Variants in DCLK1 observed in about 807,000 individuals in gnomAD.
DCLK1 encodes the protein doublecortin like kinase 1.
A neutral mutation model predicts 86.2 loss-of-function variants in DCLK1; 16 were observed. The ratio of observed to expected loss-of-function variants is 0.19; its 90% confidence interval spans 0.13 to 0.28. DCLK1 has a LOEUF of 0.28. Among genes scored for constraint, DCLK1 ranks in the 10% least tolerant of loss-of-function variants. The pLI, the probability that DCLK1 is intolerant of heterozygous loss-of-function variation, is 1.00. For synonymous variants in DCLK1, 369 were observed against 370.5 expected (o/e 1.00, Z 0.05); for missense variants, 590 against 940.2 (o/e 0.63, Z 4.87).
chr13:36,127,518 T>C (rs1886228717), intron 1 of DCLK1, among the ~76,000 whole-genome samples: 1 of 152,190 alleles, frequency 6.6e-6, no homozygotes, highest in South Asian at 2.1e-4. Flanking sequence ...AACCACAAAA[T>C]GGGAATGAGA....
intron 3 of DCLK1, among the ~76,000 whole-genome samples, chr13:36,030,333 G>T (rs1176230645): frequency 1.3e-5 from 2 of 151,958 alleles, no homozygotes; most frequent in East Asian, 3.9e-4. Context: ...TTTTGCTCTT[G>T]TTGCCCAGGC....
intron 3 of DCLK1, among the ~76,000 whole-genome samples, chr13:36,063,013 T>C (rs1400656858): frequency 6.6e-6 from 1 of 152,210 alleles, no homozygotes; most frequent in Non-Finnish European, 1.5e-5. Context: ...CTTTGGTTGC[T>C]TGCATGTAAC....
rs540614553 is a variant in DCLK1, at chr13:35,849,407, A to G, written c.1035+5092T>C. 4 of 985,376 alleles carry G rather than the reference A, an allele frequency of 4.1e-6. No individual in the cohort carries two copies. In the Admixed American group the frequency reaches 1.8e-4, roughly 45 times the overall value. 61.0% of individuals were successfully genotyped at this position (985,376 alleles called of 1,614,324 possible). A position where few individuals can be genotyped will look rare whatever the true frequency, so the allele number is the denominator to read the frequency against. ...CTCCAAATGGCATCAAACATTTTTAATTTATCACCTACTGAGATATGTCAA... is the reference window on the plus strand; with the variant it reads ...CTCCAAATGGCATCAAACATTTTTAGTTTATCACCTACTGAGATATGTCAA... On this transcript the variant is annotated intron_variant, in intron 6 of 16. Coordinates refer to ENST00000360631, the MANE Select transcript of DCLK1 (RefSeq NM_001330071.2).
At chr13:35,950,359 G>T (rs1326150976) in intron 3 of DCLK1, among the ~76,000 whole-genome samples, 8 of 152,194 alleles carry the variant, frequency 5.3e-5, no homozygotes, top group African/African-American at 1.2e-4. Flanking sequence ...AACAGAGGGA[G>T]ATTTATAACC....
At chr13:35,779,158 T>C (rs1305602328) in intron 16 of DCLK1, among the ~76,000 whole-genome samples, 1 of 152,124 alleles carries the variant, frequency 6.6e-6, no homozygotes, top group African/African-American at 2.4e-5. Flanking sequence ...GTATTTTCAG[T>C]ATAGACAGGG....
intron 3 of DCLK1, among the ~76,000 whole-genome samples, chr13:35,977,565 G>C (rs372011726): frequency 2.6e-5 from 4 of 151,990 alleles, no homozygotes; most frequent in African/African-American, 7.3e-5. Context: ...CTGGTCATCA[G>C]GTGTATTCTG....
At chr13:35,780,603 G>C (rs1184201667) in intron 16 of DCLK1, among the ~76,000 whole-genome samples, 1 of 152,150 alleles carries the variant, frequency 6.6e-6, no homozygotes, top group East Asian at 1.9e-4. Flanking sequence ...TGATGGCTTG[G>C]GGGAAGCTGG....
chr13:36,011,581 G>A (rs1458085946), intron 3 of DCLK1, among the ~76,000 whole-genome samples: 2 of 149,958 alleles, frequency 1.3e-5, no homozygotes, highest in Non-Finnish European at 3.0e-5. Flanking sequence ...ATTGCACTGT[G>A]GTCTGAGAGA....
At chr13:35,987,198 G>T (rs918278688) in intron 3 of DCLK1, among the ~76,000 whole-genome samples, 10 of 152,086 alleles carry the variant, frequency 6.6e-5, no homozygotes, top group African/African-American at 2.4e-4. Flanking sequence ...GAGATGGGTG[G>T]ATCACTTGAG....
intron 3 of DCLK1, among the ~76,000 whole-genome samples, chr13:36,106,666 T>A (rs1270232246): frequency 6.6e-6 from 1 of 152,066 alleles, no homozygotes; most frequent in Non-Finnish European, 1.5e-5. Context: ...CACAGAAAAG[T>A]TCTACTAATA....
chr13:36,101,192 C>G (rs1352713607), intron 3 of DCLK1, among the ~76,000 whole-genome samples: 1 of 152,198 alleles, frequency 6.6e-6, no homozygotes, highest in East Asian at 1.9e-4. Flanking sequence ...TAACAGCATG[C>G]ACATGCACTT....
chr13:35,925,018 C>T (rs1876033149), intron 4 of DCLK1, among the ~76,000 whole-genome samples: 1 of 152,154 alleles, frequency 6.6e-6, no homozygotes, highest in Admixed American at 6.5e-5. Flanking sequence ...AGGCTGCTGA[C>T]CTTAAATTTA....
chr13:35,921,430 A>G (rs1313340214), intron 4 of DCLK1, among the ~76,000 whole-genome samples: 1 of 151,598 alleles, frequency 6.6e-6, no homozygotes, highest in East Asian at 1.9e-4. Context: ...AACATCTATC[A>G]CTCCTTCAGG....
At chr13:35,844,089 AC>A (rs1405394678) in intron 6 of DCLK1, among the ~76,000 whole-genome samples, 1 of 152,248 alleles carries the variant, frequency 6.6e-6, no homozygotes, top group African/African-American at 2.4e-5. Context: ...ACTATTTGAA[AC>A]AAGGCACAAA....
chr13:35,810,238 A>AC lies in DCLK1; in HGVS notation c.1688+596_1688+597insG, dbSNP rs1235704117. ...TGGGAATCAAACCATCGACTGGAAG[A>AC]GTAAGAAGTAAAGGAGTTTCAGGCC... On this transcript the variant is annotated intron_variant, in intron 12 of 16. Coordinates refer to ENST00000360631, the MANE Select transcript of DCLK1 (RefSeq NM_001330071.2). Among the ~76,000 whole-genome samples, 18 of 152,332 alleles carry AC rather than the reference A, an allele frequency of 1.2e-4. No individual in the cohort carries two copies. The East Asian group carries it at 3.5e-3, about 29-fold the overall frequency.
intron 7 of DCLK1, 123 bp from the exon 8 acceptor site, chr13:35,836,264 T>A: frequency 1.2e-6 from 1 of 817,936 alleles, no homozygotes; most frequent in Non-Finnish European, 1.9e-6. Context: ...TCATTCTCTG[T>A]ACAGTGAGGC....
intron 3 of DCLK1, among the ~76,000 whole-genome samples, chr13:36,097,601 A>C (rs1593887386): frequency 6.6e-6 from 1 of 152,172 alleles, no homozygotes; most frequent in African/African-American, 2.4e-5. Flanking sequence ...ATAATCATTA[A>C]CAATCCAAAT....
At chr13:35,794,291 T>A (rs1410925431) in intron 15 of DCLK1, among the ~76,000 whole-genome samples, 1 of 152,252 alleles carries the variant, frequency 6.6e-6, no homozygotes, top group African/African-American at 2.4e-5. Flanking sequence ...CTTAGCATAG[T>A]GCCTTGGCAC....
chr13:35,892,101 T>C (rs1474159985), intron 4 of DCLK1, among the ~76,000 whole-genome samples: 1 of 152,214 alleles, frequency 6.6e-6, no homozygotes, highest in East Asian at 1.9e-4. Flanking sequence ...TATGCTCTTG[T>C]GTGTCCTCAC....
Sources: allele counts gnomAD v4.1 joint callset (sites outside exome capture counted in the v4.1 genomes callset), GRCh38; gene constraint gnomAD v4.1.1; transcripts MANE v1.5; gene names NCBI Gene and HGNC (gene_info 2026-07-23, HGNC 2026-07-21).